Variants in HNRNPA2B1 observed in about 807,000 individuals in gnomAD.
HNRNPA2B1 encodes heterogeneous nuclear ribonucleoprotein A2/B1.
HNRNPA2B1 carries 3 observed loss-of-function variants against 46.3 expected under a neutral mutation model. The observed-to-expected ratio is 0.06, with a 90% CI of 0.03 to 0.17. The LOEUF (loss-of-function observed/expected upper bound fraction) is 0.17, where lower values mean the gene tolerates loss of function less well. Ranked by LOEUF, HNRNPA2B1 falls within the 10% of genes least tolerant of loss-of-function variation. HNRNPA2B1 has a pLI of 1.00. For missense variants in HNRNPA2B1, 221 were observed against 418.9 expected, an observed-to-expected ratio of 0.53 and a Z score of 4.12; for synonymous variants, 225 against 133.8, an observed-to-expected ratio of 1.68 and a Z score of -4.70.
Position 26,195,840 on chromosome 7 carries a change from A to G in HNRNPA2B1, c.721+7T>C. 1 of 1,609,538 alleles carries G rather than the reference A, an allele frequency of 6.2e-7. No homozygotes were observed. The highest frequency in any genetic ancestry group is 8.5e-7 in the Non-Finnish European group (1 of 1,178,648). ...ATAAACAAACCAAAACGTAGAGGAA[A>G]ACTGACCTCCAGGTCCTCCTCCATA... On this transcript the variant is annotated splice_region_variant and intron_variant, in intron 7 of 10. Coordinates refer to ENST00000618183, the MANE Select transcript of HNRNPA2B1 (RefSeq NM_002137.4).
At chr7:26,198,609 A>C (rs1562722056) in intron 1 of HNRNPA2B1, 1 of 152,230 alleles carries the variant, frequency 6.6e-6, no homozygotes, top group Non-Finnish European at 1.5e-5. Flanking sequence ...GCACAAAACA[A>C]TTTTCCAAGT....
At chr7:26,200,466 C>T (rs975947976) in intron 1 of HNRNPA2B1, 106 bp downstream of exon 1, 172 of 1,156,232 alleles carry the variant, frequency 1.5e-4, no homozygotes, top group Non-Finnish European at 2.1e-4. Context: ...CTGAATTGGT[C>T]CGATTTCCTG....
chr7:26,193,713 TTAAG>T lies in HNRNPA2B1; in HGVS notation c.722-23_722-20del. On this transcript the variant is annotated intron_variant, in intron 7 of 10. Transcript: ENST00000618183. ...TTGCCACCTATTATAAAATAAGCCT[TTAAG>T]TAATCACTTAATATTTTCAATACCA... is the stretch of plus-strand genomic sequence containing the variant. The T allele has an allele frequency of 1.9e-6, 3 of 1,601,910 alleles. No individual in the cohort carries two copies. Among genetic ancestry groups the T allele is most frequent in the African/African-American group, 1.3e-5 (1 of 74,544 alleles).
intron 7 of HNRNPA2B1, among the ~76,000 whole-genome samples, chr7:26,195,358 T>C (rs1041099606): frequency 2.0e-5 from 3 of 152,218 alleles, no homozygotes; most frequent in Non-Finnish European, 4.4e-5. Context: ...TATATCACAC[T>C]TCATGTTTAA....
rs749581963 is a variant in HNRNPA2B1, at chr7:26,193,384, A to T, written c.842-11T>A. On this transcript the variant is annotated splice_polypyrimidine_tract_variant and intron_variant, in intron 8 of 10. Coordinates refer to ENST00000618183, the MANE Select transcript of HNRNPA2B1 (RefSeq NM_002137.4). ...CACTTCCATAATTTCCTATTAAAAA[A>T]TTGGAATACTCAGAACAATACAAAC... 3 of 1,609,868 alleles carry T rather than the reference A, an allele frequency of 1.9e-6. No homozygotes were observed. Among genetic ancestry groups the T allele is most frequent in the Non-Finnish European group, 1.7e-6 (2 of 1,176,472 alleles).
At chr7:26,198,383 A>C (rs1402048200) in intron 1 of HNRNPA2B1, 1 of 152,570 alleles carries the variant, frequency 6.6e-6, no homozygotes, top group Non-Finnish European at 1.5e-5. Context: ...AATTACTCTT[A>C]TAACCAGGAC....
chr7:26,196,781 C>T (rs369470213), intron 4 of HNRNPA2B1, 26 bp downstream of exon 4: 2 of 1,598,828 alleles, frequency 1.3e-6, no homozygotes, highest in Admixed American at 1.7e-5. Context: ...TGGAAAAAAA[C>T]AGTACATTTG....
At position 26,200,700 on chromosome 7, in the gene HNRNPA2B1, A is replaced by T. The variant is rs1393035762; in HGVS notation, c.-123T>A. 4.2e-5 allele frequency: 54 copies of T among 1,275,618 alleles called. No homozygotes were observed. The highest frequency in any genetic ancestry group is 5.9e-5 in the Non-Finnish European group (52 of 880,200). The allele number at this position is 1,275,618 out of a possible 1,614,324, so 79.0% of individuals were successfully genotyped here. On this transcript the variant is annotated 5_prime_UTR_variant, in exon 1 of 11. Coordinates refer to ENST00000618183, the MANE Select transcript of HNRNPA2B1 (RefSeq NM_002137.4). ...TGAGAACTGCCGCTGCTCGAGAAAC[A>T]ACTCTGCGAGGAGCACCTCCGCACG...
chr7:26,199,292 C>T (rs567967488), intron 1 of HNRNPA2B1: 20 of 152,662 alleles, frequency 1.3e-4, no homozygotes, highest in Non-Finnish European at 1.8e-4. Context: ...AGACCCCCTT[C>T]GCTTGAGACC....
At chr7:26,200,281 T>G (rs2128131968) in intron 1 of HNRNPA2B1, 1 of 481,040 alleles carries the variant, frequency 2.1e-6, no homozygotes, top group East Asian at 3.6e-5. Context: ...GAATAAGAAT[T>G]CCCGCCTCCG....
chr7:26,190,149 T>C lies in HNRNPA2B1; in HGVS notation c.*2211A>G, dbSNP rs1299995147. 1 of 152,770 alleles carries C rather than the reference T, an allele frequency of 6.5e-6. No homozygotes were observed. Among genetic ancestry groups the C allele is most frequent in the East Asian group, 1.9e-4 (1 of 5,196 alleles). The allele number at this position is 152,770 out of a possible 1,614,324, so 9.5% of individuals were successfully genotyped here. A position where few individuals can be genotyped will look rare whatever the true frequency, so the allele number is the denominator to read the frequency against. On this transcript the variant is annotated 3_prime_UTR_variant, in exon 11 of 11. Transcript: ENST00000618183. ...ATTTGGATACAAAAAGTATTTATTT[T>C]ATAAACTTTATATTTAAAATAGAAT...
rs1782922076 is a variant in HNRNPA2B1 at position 26,191,535 on chromosome 7, G to C, written c.*825C>G. ...TTGTAGAAACAGCACAGTTTTTTAA[G>C]ACTGGCTGAACTTAGTAGCCGTCAA... is the stretch of plus-strand genomic sequence containing the variant. On this transcript the variant is annotated 3_prime_UTR_variant, in exon 11 of 11. Transcript: ENST00000618183. 1 of 152,206 alleles carries C rather than the reference G, an allele frequency of 6.6e-6. No homozygotes were observed. Among genetic ancestry groups the C allele is most frequent in the South Asian group, 2.1e-4 (1 of 4,834 alleles). 9.4% of individuals were successfully genotyped at this position (152,206 alleles called of 1,614,324 possible).
At position 26,190,538 on chromosome 7, in the gene HNRNPA2B1, C is replaced by T. The variant is rs960983958; in HGVS notation, c.*1822G>A. On this transcript the variant is annotated 3_prime_UTR_variant, in exon 11 of 11. Transcript: ENST00000618183. ...GAACCTAAACAACTTCAGTGGTGGT[C>T]TTAGGATCAAAGAAGACTCATTGGT... 2 of 152,256 alleles carry T rather than the reference C, an allele frequency of 1.3e-5. No homozygotes were observed. Among genetic ancestry groups the T allele is most frequent in the African/African-American group, 4.8e-5 (2 of 41,442 alleles). The allele number at this position is 152,256 out of a possible 1,614,324, so 9.4% of individuals were successfully genotyped here.
chr7:26,195,757 G>T (rs111355273), intron 7 of HNRNPA2B1, 90 bp downstream of exon 7: 45 of 1,413,082 alleles, frequency 3.2e-5, no homozygotes, highest in African/African-American at 2.8e-4. Context: ...AATATAAAAT[G>T]TTTAAAAACT....
At position 26,196,389 on chromosome 7, in the gene HNRNPA2B1, C is replaced by G; in HGVS notation, c.658+12G>C. The G allele has an allele frequency of 6.2e-7, 1 of 1,606,546 alleles. No homozygotes were observed. Among genetic ancestry groups the G allele is most frequent in the Non-Finnish European group, 8.5e-7 (1 of 1,173,740 alleles). ...ACACTCATCCTTTAAACACGTAGAA[C>G]TTGAAACTCACCAGATCCTCCTCTA... On this transcript the variant is annotated intron_variant, in intron 6 of 10. Coordinates refer to ENST00000618183, the MANE Select transcript of HNRNPA2B1 (RefSeq NM_002137.4).
At chr7:26,200,308 C>T (rs573160144) in intron 1 of HNRNPA2B1, 24 of 541,030 alleles carry the variant, frequency 4.4e-5, no homozygotes, top group Non-Finnish European at 7.0e-5. Context: ...ACTTTCACCC[C>T]AGCGGGGCAG....
chr7:26,194,167 C>T (rs527576747), intron 7 of HNRNPA2B1, among the ~76,000 whole-genome samples: 7 of 152,048 alleles, frequency 4.6e-5, no homozygotes, highest in East Asian at 3.9e-4. Flanking sequence ...AAGGCCGAGG[C>T]GGACGGATCA....
chr7:26,197,511 A>C (rs772204027), intron 2 of HNRNPA2B1, 50 bp from the exon 3 acceptor site: 83 of 1,592,452 alleles, frequency 5.2e-5, no homozygotes, highest in Non-Finnish European at 6.6e-5. Flanking sequence ...TATAGCTTAT[A>C]AGTGAAGTCA....
rs201533402 is a variant in HNRNPA2B1, at chr7:26,196,800, C to G, written c.475+7G>C. On this transcript the variant is annotated splice_region_variant and intron_variant, in intron 4 of 10. Coordinates refer to ENST00000618183, the MANE Select transcript of HNRNPA2B1 (RefSeq NM_002137.4). ...AAAAAACAGTACATTTGTGGTTAGA[C>G]ACTTACATACGATTTTATCCACAGG... is the stretch of plus-strand genomic sequence containing the variant. 1 of 1,610,956 alleles carries G rather than the reference C, an allele frequency of 6.2e-7. No homozygotes were observed. Among genetic ancestry groups the G allele is most frequent in the Non-Finnish European group, 8.5e-7 (1 of 1,177,698 alleles).
Sources: gnomAD v4.1 joint callset for allele counts (sites outside exome capture counted in the v4.1 genomes callset) on GRCh38, gnomAD v4.1.1 for gene constraint, MANE v1.5 for transcripts, NCBI Gene and HGNC (gene_info 2026-07-23, HGNC 2026-07-21) for gene names.